The following TOLLIP variants were observed in gnomAD, a reference collection of about 807,000 sequenced individuals.
TOLLIP encodes the protein toll interacting protein, also known as toll-interacting protein.
Under a neutral mutation model 33.5 loss-of-function variants are expected in TOLLIP, and 16 were observed. That is an observed-to-expected ratio of 0.48 (90% CI 0.32 to 0.72). The LOEUF (loss-of-function observed/expected upper bound fraction) is 0.72, where lower values mean the gene tolerates loss of function less well. TOLLIP is among the 30% of genes least tolerant of loss of function. TOLLIP has a pLI of 0.03. For missense variants in TOLLIP, 325 were observed against 396.6 expected (o/e 0.82, Z 1.53); for synonymous variants, 176 against 163.7 (o/e 1.07, Z -0.57).
rs1291355043 is a variant in TOLLIP at position 1,290,888 on chromosome 11, C to CCACGTGGCTGCTTT, written c.184-493_184-480dup. 1 of 155,716 alleles carries CCACGTGGCTGCTTT rather than the reference C, an allele frequency of 6.4e-6. No homozygotes were observed. Among genetic ancestry groups the CCACGTGGCTGCTTT allele is most frequent in the African/African-American group, 2.4e-5 (1 of 41,518 alleles). 9.6% of individuals were successfully genotyped at this position (155,716 alleles called of 1,614,324 possible). The stretch of plus-strand genomic sequence containing the variant: ...ACACCTGCTGCACATAATTCAGACG[C>CCACGTGGCTGCTTT]CACGTGGCTGCTTTCCTCCCTCGTG... On this transcript the variant is annotated intron_variant, in intron 2 of 5. Transcript: ENST00000317204. This position sits in a 1 kb window ranked among gnomAD's most constrained non-coding sequence, Gnocchi z 4.9.
rs936257335 is a variant in TOLLIP at position 1,277,120 on chromosome 11, C to T, written c.744G>A (p.Val248=). The change falls in exon 6 of 6, where the codon GTG becomes GTA. Residue 248 remains valine, a synonymous_variant. Transcript: ENST00000317204. The surrounding 1 kb of genome is among the most constrained non-coding windows in gnomAD (Gnocchi z 4.2). The part of the protein sequence containing the change: ...QDMFPNMDQE[V]IRSVLEAQRG... ...GCTGGGCTTCCAGCACGGAGCGGAT[C>T]ACCTCCTGGTCCATGTTGGGGAACA... The T allele has an allele frequency of 2.5e-6, 4 of 1,614,132 alleles. No individual in the cohort carries two copies. The South Asian group carries it at 4.4e-5, about 18-fold the overall frequency.
Position 1,295,868 on chromosome 11 carries a change from G to A in TOLLIP, c.34-74C>T, listed in dbSNP as rs772987032. On this transcript the variant is annotated intron_variant, in intron 1 of 5. Coordinates refer to ENST00000317204, the MANE Select transcript of TOLLIP (RefSeq NM_019009.4). Reference sequence around the variant, plus strand: ...AAGCAGCCCGACAGCAGCTGCCCCCGGCATTCCCGCGGCCCCGCCCCCACC... The same window carrying A: ...AAGCAGCCCGACAGCAGCTGCCCCCAGCATTCCCGCGGCCCCGCCCCCACC... The A allele has an allele frequency of 5.2e-4, 774 of 1,477,702 alleles. 2 individuals carry two copies. Among genetic ancestry groups the A allele is most frequent in the Non-Finnish European group, 6.3e-4 (696 of 1,104,790 alleles). 91.5% of individuals were successfully genotyped at this position (1,477,702 alleles called of 1,614,324 possible).
At chr11:1,288,470 A>T (rs1488543149) in intron 4 of TOLLIP, among the ~76,000 whole-genome samples, 154 bp downstream of exon 4, 1 of 152,212 alleles carries the variant, frequency 6.6e-6, no homozygotes, top group Admixed American at 6.5e-5. Context: ...CAAACCACCC[A>T]GGGCCCCTGC....
chr11:1,286,699 C>G (rs1466877219), intron 4 of TOLLIP, among the ~76,000 whole-genome samples: 3 of 151,512 alleles, frequency 2.0e-5, no homozygotes, highest in East Asian at 1.9e-4. Flanking sequence ...AAGTTTAGTT[C>G]AAAACTGTCC....
chr11:1,289,831 T>G (rs559515062), intron 3 of TOLLIP, among the ~76,000 whole-genome samples: 2 of 136,410 alleles, frequency 1.5e-5, no homozygotes, highest in African/African-American at 5.8e-5. Context: ...GGGGGACACA[T>G]GCATGCTCTG....
intron 4 of TOLLIP, among the ~76,000 whole-genome samples, chr11:1,286,919 T>A (rs1863722785): frequency 6.6e-6 from 1 of 152,054 alleles, no homozygotes. Flanking sequence ...CCACTGCGGA[T>A]AAGTCACTGC....
intron 1 of TOLLIP, among the ~76,000 whole-genome samples, chr11:1,304,910 G>A (rs1210838671): frequency 1.3e-5 from 2 of 152,198 alleles, no homozygotes; most frequent in Admixed American, 6.5e-5. Context: ...TGAAACTAGC[G>A]CATTCCCATC....
rs1405997005 is a variant in TOLLIP at position 1,278,104 on chromosome 11, T to C, written c.611-851A>G. ...AGCACACACACCCCTGAAGGCACCG[T>C]GTGGCCGGACTTAAGACTCGCCTCC... On this transcript the variant is annotated intron_variant, in intron 5 of 5. Coordinates refer to ENST00000317204, the MANE Select transcript of TOLLIP (RefSeq NM_019009.4). This position sits in a 1 kb window ranked among gnomAD's most constrained non-coding sequence, Gnocchi z 4.7. Among the ~76,000 whole-genome samples the C allele has an allele frequency of 6.6e-6, 1 of 152,108 alleles. No homozygotes were observed. The highest frequency in any genetic ancestry group is 1.5e-5 in the Non-Finnish European group (1 of 68,014).
At chr11:1,283,916 G>C (rs1242233787) in intron 5 of TOLLIP, among the ~76,000 whole-genome samples, 2 of 152,240 alleles carry the variant, frequency 1.3e-5, no homozygotes, top group Non-Finnish European at 2.9e-5. Flanking sequence ...CAGGAAGCTG[G>C]AGGGCCTGGG....
intron 2 of TOLLIP, among the ~76,000 whole-genome samples, chr11:1,293,841 C>T (rs1864026174): frequency 6.6e-6 from 1 of 152,196 alleles, no homozygotes; most frequent in African/African-American, 2.4e-5. Context: ...TGGCAGCTGG[C>T]ACAGGAATGC....
chr11:1,292,442 G>C (rs1863980808), intron 2 of TOLLIP, among the ~76,000 whole-genome samples: 1 of 152,230 alleles, frequency 6.6e-6, no homozygotes, highest in South Asian at 2.1e-4. Flanking sequence ...ACCGATGCCT[G>C]CTCACATTGG....
chr11:1,302,893 C>T (rs1267191694), intron 1 of TOLLIP: 1 of 619,768 alleles, frequency 1.6e-6, no homozygotes, highest in Non-Finnish European at 2.0e-6. Flanking sequence ...TTCGCCGTGC[C>T]TTGTCTCCCC....
At position 1,280,374 on chromosome 11, in the gene TOLLIP, A is replaced by G. The variant is rs560039218; in HGVS notation, c.611-3121T>C. On this transcript the variant is annotated intron_variant, in intron 5 of 5. Coordinates refer to ENST00000317204, the MANE Select transcript of TOLLIP (RefSeq NM_019009.4). ...CTTGTCCATCCCAGCAGCGGCGTCC[A>G]CCTGCGTGTTTTGCTTTCATACTTT... Among the ~76,000 whole-genome samples, 335 of 152,174 alleles carry G rather than the reference A, an allele frequency of 2.2e-3. 5 individuals carry two copies. Among genetic ancestry groups the G allele is most frequent in the African/African-American group, 7.7e-3 (318 of 41,540 alleles).
intron 1 of TOLLIP, among the ~76,000 whole-genome samples, chr11:1,304,582 C>A (rs1864373280): frequency 6.6e-6 from 1 of 152,236 alleles, no homozygotes; most frequent in Non-Finnish European, 1.5e-5. Context: ...CCGGAGGTGG[C>A]ACAGACAATG....
chr11:1,289,183 G>A (rs1281903238), intron 3 of TOLLIP, among the ~76,000 whole-genome samples: 2 of 152,196 alleles, frequency 1.3e-5, no homozygotes, highest in Non-Finnish European at 2.9e-5. Context: ...AAAGGACACG[G>A]GGTCTGCCTC....
chr11:1,291,884 A>C (rs1863966589), intron 2 of TOLLIP: 1 of 156,922 alleles, frequency 6.4e-6, no homozygotes. Context: ...TGTCCCGTCC[A>C]CGCCAACCCT....
At chr11:1,293,770 G>A (rs554604897) in intron 2 of TOLLIP, among the ~76,000 whole-genome samples, 30 of 152,350 alleles carry the variant, frequency 2.0e-4, no homozygotes, top group African/African-American at 3.6e-4. Flanking sequence ...AGTGCCCTGC[G>A]GTCACCAGGC....
Position 1,290,466 on chromosome 11 carries a change from T to C in TOLLIP, c.184-57A>G. ...TGCCAACCATCAGGAGAGGGTGGGT[T>C]CTCTAGGCCGTCTGCCTCCCTGAAC... On this transcript the variant is annotated intron_variant, in intron 2 of 5. Transcript: ENST00000317204. The surrounding 1 kb of genome is among the most constrained non-coding windows in gnomAD (Gnocchi z 4.9). 1 of 1,551,542 alleles carries C rather than the reference T, an allele frequency of 6.4e-7. No homozygotes were observed. The highest frequency in any genetic ancestry group is 8.9e-7 in the Non-Finnish European group (1 of 1,129,616).
At chr11:1,288,169 C>T (rs1412213087) in intron 4 of TOLLIP, among the ~76,000 whole-genome samples, 3 of 152,166 alleles carry the variant, frequency 2.0e-5, no homozygotes, top group Non-Finnish European at 2.9e-5. Context: ...CCAGGCTTCC[C>T]CGACATCTCC....
Sources: gnomAD v4.1 joint callset for allele counts (sites outside exome capture counted in the v4.1 genomes callset) on GRCh38, gnomAD v4.1.1 for gene constraint, Gnocchi (gnomAD v3.1) non-coding constraint, MANE v1.5 for transcripts, NCBI Gene and HGNC (gene_info 2026-07-23, HGNC 2026-07-21) for gene names.